Variants in SETDB2 observed in about 807,000 individuals in gnomAD.
SETDB2 encodes the protein histone-lysine N-methyltransferase SETDB2.
A neutral mutation model predicts 82.5 loss-of-function variants in SETDB2; 56 were observed. The ratio of observed to expected loss-of-function variants is 0.68; its 90% CI spans 0.55 to 0.85. The LOEUF is 0.85. SETDB2 is among the 40% of genes least tolerant of loss of function. The pLI, the probability that SETDB2 is intolerant of heterozygous loss-of-function variation, is 0.00. For missense variants in SETDB2, 677 were observed against 816.4 expected, an observed-to-expected ratio of 0.83 and a Z score of 2.08; for synonymous variants, 272 against 284.9, an observed-to-expected ratio of 0.95 and a Z score of 0.46.
rs770660813 is a variant in SETDB2, at chr13:49,467,903, C to T, written c.248C>T (p.Ser83Phe). 3 of 1,611,564 alleles carry T rather than the reference C, an allele frequency of 1.9e-6. No homozygotes were observed. Among genetic ancestry groups the T allele is most frequent in the Admixed American group, 1.7e-5 (1 of 59,794 alleles). ...PVTQKEQENKSNAFPSTSCEN... is the reference protein window; with the variant it reads ...PVTQKEQENKFNAFPSTSCEN... ...ACTCAGAAGGAACAGGAAAACAAAT[C>T]CAATGCATTTCCCTCTACATCATGT... is the stretch of plus-strand genomic sequence containing the variant. The change falls in exon 5 of 14, where the codon TCC becomes TTC. Residue 83 changes from serine (S) to phenylalanine (F), a missense_variant. Around this residue, in one of 3 missense-constraint regions of SETDB2, gnomAD observed 243 missense variants for 237.2 expected, o/e 1.02. Transcript: ENST00000611815.
At position 49,492,743 on chromosome 13, in the gene SETDB2, G is replaced by A. The variant is rs1429520293; in HGVS notation, c.*894G>A. ...AGAGGCCGAGGCAGGTGGATTACTT[G>A]AGCCTAGGGGTTCAAGACCAGCTTG... On this transcript the variant is annotated 3_prime_UTR_variant, in exon 14 of 14. Transcript: ENST00000611815. 1 of 152,174 alleles carries A rather than the reference G, an allele frequency of 6.6e-6. No homozygotes were observed. Among genetic ancestry groups the A allele is most frequent in the African/African-American group, 2.4e-5 (1 of 41,432 alleles). 9.4% of individuals were successfully genotyped at this position (152,174 alleles called of 1,614,324 possible). A position where few individuals can be genotyped will look rare whatever the true frequency, so the allele number is the denominator to read the frequency against.
intron 5 of SETDB2, among the ~76,000 whole-genome samples, chr13:49,475,126 A>G (rs954823920): frequency 3.0e-4 from 45 of 152,320 alleles, no homozygotes; most frequent in African/African-American, 1.1e-3. Flanking sequence ...GAAGGCAAGC[A>G]AGAGCAAGTC....
Position 49,482,809 on chromosome 13 carries a change from T to A in SETDB2, c.1229T>A (p.Met410Lys). 1 of 1,612,780 alleles carries A rather than the reference T, an allele frequency of 6.2e-7. No homozygotes were observed. Among genetic ancestry groups the A allele is most frequent in the Non-Finnish European group, 8.5e-7 (1 of 1,179,078 alleles). The change falls in exon 9 of 14, where the codon ATG (methionine) becomes AAG (lysine). Residue 410 changes from methionine to lysine, a missense_variant. Met to Lys is a moderately conservative substitution (Grantham distance 95, BLOSUM62 -1). Transcript: ENST00000611815. ...IDENGRDENT[M>K]KNIFSKKRKL... is the part of the protein sequence containing the mutation. ...GAAAACGGGAGAGATGAGAATACTATGAAAAATATATTTTCAAAAAAGAGG... is the reference window on the plus strand; with the variant it reads ...GAAAACGGGAGAGATGAGAATACTAAGAAAAATATATTTTCAAAAAAGAGG...
intron 3 of SETDB2, 30 bp from the exon 4 acceptor site, chr13:49,461,067 A>G (rs1957982909): frequency 6.5e-7 from 1 of 1,548,522 alleles, no homozygotes; most frequent in Non-Finnish European, 8.9e-7. Context: ...AATAAAGGTA[A>G]TGGTGATGCT....
intron 7 of SETDB2, 138 bp from the exon 8 acceptor site, chr13:49,480,809 T>A: frequency 1.3e-6 from 1 of 741,618 alleles, no homozygotes; most frequent in Non-Finnish European, 2.2e-6. Flanking sequence ...GTGGAAGCTG[T>A]GATGGGAACC....
Position 49,471,934 on chromosome 13 carries a change from A to ATATATATATATT in SETDB2, c.305+3975_305+3976insATATATATATTT, listed in dbSNP as rs1378783393. ...GTGACATATATATATATATATATAT[A>ATATATATATATT]TTTTTTTTTTTTTTTAAATAGAGAC... On this transcript the variant is annotated intron_variant, in intron 5 of 13. Transcript: ENST00000611815. Among the ~76,000 whole-genome samples the ATATATATATATT allele has an allele frequency of 7.5e-4, 89 of 119,250 alleles. 1 individual carries two copies. The East Asian group carries it at 8.0e-3, about 11-fold the overall frequency. The allele number at this position is 119,250 out of a possible 152,430, so 78.2% of individuals were successfully genotyped here. A position where few individuals can be genotyped will look rare whatever the true frequency, so the allele number is the denominator to read the frequency against.
chr13:49,492,025 A>G lies in SETDB2; in HGVS notation c.*176A>G. 1.5e-6 allele frequency: 1 copy of G among 667,670 alleles called. No homozygotes were observed. Among genetic ancestry groups the G allele is most frequent in the South Asian group, 1.5e-5 (1 of 66,124 alleles). 41.4% of individuals were successfully genotyped at this position (667,670 alleles called of 1,614,324 possible). ...GAAATTCCAGGAACACAATTAGGAT[A>G]TTTTCATACACATAGGGTATCTTGT... On this transcript the variant is annotated 3_prime_UTR_variant, in exon 14 of 14. Transcript: ENST00000611815.
At chr13:49,491,581 A>G (rs1052756167) in intron 13 of SETDB2, 151 bp from the exon 14 acceptor site, 4 of 597,748 alleles carry the variant, frequency 6.7e-6, no homozygotes, top group East Asian at 2.8e-5. Flanking sequence ...GTTATTCTTA[A>G]TAAAAGGTCA....
intron 2 of SETDB2, 144 bp downstream of exon 2, chr13:49,452,053 G>A: frequency 2.0e-6 from 1 of 503,102 alleles, no homozygotes. Context: ...TTCTTGTATA[G>A]CCACCAATTT....
intron 5 of SETDB2, among the ~76,000 whole-genome samples, chr13:49,471,976 G>A (rs764550563): frequency 1.4e-5 from 2 of 139,428 alleles, no homozygotes; most frequent in South Asian, 4.6e-4. Flanking sequence ...TAGTCATGTT[G>A]CCCAGGCTGA....
chr13:49,473,490 G>T (rs1958290865), intron 5 of SETDB2, among the ~76,000 whole-genome samples: 1 of 149,658 alleles, frequency 6.7e-6, no homozygotes, highest in Admixed American at 6.7e-5. Flanking sequence ...GGCAGATGTT[G>T]TGGGGAACCA....
In SETDB2 at chr13:49,447,513, G is replaced by A. The variant is rs146858573; in HGVS notation, c.-342+2656G>A. Reference sequence around the variant, plus strand: ...TATGATGTTTGCTGTCATTGAGTAGGATGTTTTGGTAGATAGCCTCGATCA... The same window carrying A: ...TATGATGTTTGCTGTCATTGAGTAGAATGTTTTGGTAGATAGCCTCGATCA... On this transcript the variant is annotated intron_variant, in intron 1 of 13. Coordinates refer to ENST00000611815, the MANE Select transcript of SETDB2 (RefSeq NM_001160308.3). Among the ~76,000 whole-genome samples, 22 of 152,166 alleles carry A rather than the reference G, an allele frequency of 1.4e-4. No individual in the cohort carries two copies. The East Asian group carries it at 4.2e-3, about 29-fold the overall frequency.
At chr13:49,448,109 G>C (rs879578933) in intron 1 of SETDB2, among the ~76,000 whole-genome samples, 14 of 152,014 alleles carry the variant, frequency 9.2e-5, no homozygotes, top group Non-Finnish European at 1.5e-4. Flanking sequence ...TGAAAGTTTT[G>C]TACAATTCAT....
rs1958373664 is a variant in SETDB2 at position 49,476,776 on chromosome 13, T to A, written c.606T>A (p.Cys202Ter). The part of the protein sequence containing the change: ...EVFRYLLETE[C>*]NFLFTDNFSF... ...TTCGTTACCTGCTTGAGACAGAGTG[T>A]AACTTTTTATTTACAGATAACTTTT... The change falls in exon 6 of 14, where the codon TGT becomes TGA. Residue 202 changes from cysteine (C) to a stop codon, truncating the protein, a stop_gained. Transcript: ENST00000611815. LOFTEE classifies it high-confidence loss of function. The A allele has an allele frequency of 6.2e-7, 1 of 1,613,664 alleles. No homozygotes were observed. Among genetic ancestry groups the A allele is most frequent in the African/African-American group, 1.3e-5 (1 of 74,904 alleles).
At chr13:49,475,182 C>T (rs1958330354) in intron 5 of SETDB2, among the ~76,000 whole-genome samples, 2 of 152,242 alleles carry the variant, frequency 1.3e-5, no homozygotes, top group Admixed American at 1.3e-4. Flanking sequence ...TGCAGGGAAA[C>T]TCCCCCTTAC....
At chr13:49,454,749 A>G (rs144136192) in intron 2 of SETDB2, among the ~76,000 whole-genome samples, 2 of 152,316 alleles carry the variant, frequency 1.3e-5, no homozygotes, top group East Asian at 3.9e-4. Flanking sequence ...TCATGCATCT[A>G]TAATTATAGT....
chr13:49,464,031 G>A (rs1472202711), intron 4 of SETDB2: 12 of 771,872 alleles, frequency 1.6e-5, no homozygotes, highest in Middle Eastern at 2.2e-4. Flanking sequence ...GAGCATCACA[G>A]AAAGAAGTGA....
At position 49,493,682 on chromosome 13, in the gene SETDB2, C is replaced by T. The variant is rs1471814297; in HGVS notation, c.*1833C>T. On this transcript the variant is annotated 3_prime_UTR_variant, in exon 14 of 14. Transcript: ENST00000611815. ...CAATGTCTTTATTTTACCCTTATAC[C>T]TGATTGCTGTTTTGGTTGGCAAGGT... The T allele has an allele frequency of 6.6e-6, 1 of 152,080 alleles. No individual in the cohort carries two copies. Among genetic ancestry groups the T allele is most frequent in the Non-Finnish European group, 1.5e-5 (1 of 68,020 alleles). 9.4% of individuals were successfully genotyped at this position (152,080 alleles called of 1,614,324 possible). A position where few individuals can be genotyped will look rare whatever the true frequency, so the allele number is the denominator to read the frequency against.
At position 49,485,541 on chromosome 13, in the gene SETDB2, AT is replaced by A. The variant is rs1438673430; in HGVS notation, c.1483-88del. On this transcript the variant is annotated intron_variant, in intron 10 of 13. Transcript: ENST00000611815. ...AAAACGAATCTAGTACATATAGCCT[AT>A]GATGATTGACACTTGATGAAAGAGG... The A allele has an allele frequency of 4.1e-6, 4 of 982,660 alleles. No homozygotes were observed. The African/African-American group carries it at 6.5e-5, about 16-fold the overall frequency. The allele number at this position is 982,660 out of a possible 1,614,324, so 60.9% of individuals were successfully genotyped here. A position where few individuals can be genotyped will look rare whatever the true frequency, so the allele number is the denominator to read the frequency against.
Sources: gnomAD v4.1 joint callset for allele counts (sites outside exome capture counted in the v4.1 genomes callset) on GRCh38, gnomAD v4.1.1 for gene constraint, gnomAD v4.1.1 regional missense constraint, MANE v1.5 for transcripts, NCBI Gene and HGNC (gene_info 2026-07-23, HGNC 2026-07-21) for gene names.